The following NTM variants were observed in gnomAD, a reference collection of about 807,000 sequenced individuals.
The protein encoded by NTM is neurotrimin, also known as IgLON family member 2.
NTM carries 13 observed loss-of-function variants against 42.1 expected under a neutral mutation model. That is an observed-to-expected ratio of 0.31 (90% CI 0.20 to 0.49). The LOEUF is 0.49. NTM is among the 20% of genes least tolerant of loss of function. The pLI, the probability that NTM is intolerant of heterozygous loss-of-function variation, is 0.99. For missense variants in NTM, 373 were observed against 452.8 expected (o/e 0.82, Z 1.60); for synonymous variants, 187 against 179.2 (o/e 1.04, Z -0.35).
intron 2 of NTM, among the ~76,000 whole-genome samples, chr11:132,132,507 G>A (rs1188406041): frequency 6.6e-6 from 1 of 152,156 alleles, no homozygotes; most frequent in East Asian, 1.9e-4. Context: ...AATGTGTAAT[G>A]TTGAACATAG....
chr11:131,640,664 C>T (rs1293716483), intron 1 of NTM, among the ~76,000 whole-genome samples: 4 of 152,180 alleles, frequency 2.6e-5, no homozygotes, highest in African/African-American at 9.7e-5. Flanking sequence ...CCTGCTAAGC[C>T]AGTCACCTCA....
Position 132,146,426 on chromosome 11 carries a change from C to T in NTM, c.312C>T (p.Asn104=), listed in dbSNP as rs369115555. The change falls in exon 3 of 9, where the codon AAC becomes AAT. Residue 104 remains asparagine (N), a synonymous_variant. Transcript: ENST00000683400. The surrounding 1 kb of genome is among the most constrained non-coding windows in gnomAD (Gnocchi z 4.5). ...TQTQYSIEIQ[N]VDVYDEGPYT... ...CGCAGTACAGCATCGAGATCCAGAA[C>T]GTGGATGTGTATGACGAGGGCCCTT... 108 of 1,614,076 alleles carry T rather than the reference C, an allele frequency of 6.7e-5. No individual in the cohort carries two copies. The highest frequency in any genetic ancestry group is 7.9e-5 in the Non-Finnish European group (93 of 1,180,044).
intron 1 of NTM, among the ~76,000 whole-genome samples, chr11:131,819,503 C>T (rs934701503): frequency 2.0e-5 from 3 of 152,240 alleles, no homozygotes; most frequent in Admixed American, 6.5e-5. Context: ...TCAAACATTA[C>T]TTTAGCAAGA....
At chr11:132,197,459 G>T (rs1303185447) in intron 3 of NTM, among the ~76,000 whole-genome samples, 2 of 151,276 alleles carry the variant, frequency 1.3e-5, no homozygotes, top group Admixed American at 1.3e-4. Flanking sequence ...ACCCTATTAG[G>T]TATTGTTTTT....
chr11:131,769,228 A>C (rs2135896162), intron 1 of NTM, among the ~76,000 whole-genome samples: 1 of 152,240 alleles, frequency 6.6e-6, no homozygotes, highest in African/African-American at 2.4e-5. Flanking sequence ...CCACCTCAAA[A>C]TCCATTACTT....
At chr11:132,017,775 A>G (rs1404551280) in intron 2 of NTM, among the ~76,000 whole-genome samples, 5 of 152,054 alleles carry the variant, frequency 3.3e-5, no homozygotes, top group Non-Finnish European at 1.5e-5. Flanking sequence ...CTTTAAATCC[A>G]TGAACATGGA....
intron 4 of NTM, among the ~76,000 whole-genome samples, chr11:132,239,431 T>G (rs1211087558): frequency 6.6e-6 from 1 of 152,316 alleles, no homozygotes; most frequent in South Asian, 2.1e-4. Flanking sequence ...TTAAAAATGG[T>G]TTATTAGAAA....
At chr11:131,540,532 T>C (rs2053085863) in intron 1 of NTM, 1 of 152,156 alleles carries the variant, frequency 6.6e-6, no homozygotes, top group African/African-American at 2.4e-5. Flanking sequence ...AAAAATGCCT[T>C]TCTGTGGAAA....
At chr11:131,799,989 C>G (rs190951868) in intron 1 of NTM, among the ~76,000 whole-genome samples, 60 of 152,014 alleles carry the variant, frequency 3.9e-4, no homozygotes, top group African/African-American at 1.4e-3. Flanking sequence ...AGTAGCCATC[C>G]CTAAAATTAT....
intron 2 of NTM, among the ~76,000 whole-genome samples, chr11:132,033,222 C>G (rs1447062135): frequency 1.3e-5 from 2 of 152,146 alleles, no homozygotes; most frequent in Non-Finnish European, 2.9e-5. Context: ...AGAAAGTAGC[C>G]CAATCATCCC....
At position 131,837,821 on chromosome 11, in the gene NTM, C is replaced by A. The variant is rs1184321617; in HGVS notation, c.83-73743C>A. ...CACCTGGAGATGTGGCTCTCTGTGG[C>A]GACGTGCCCTGACGTGGGAACACAT... On this transcript the variant is annotated intron_variant, in intron 1 of 8. Coordinates refer to ENST00000683400, the MANE Select transcript of NTM (RefSeq NM_001352005.2). Among the ~76,000 whole-genome samples the A allele has an allele frequency of 2.0e-5, 3 of 152,092 alleles. 1 individual carries two copies. In the South Asian group the frequency reaches 6.2e-4, roughly 32 times the overall value.
intron 4 of NTM, among the ~76,000 whole-genome samples, chr11:132,305,768 T>TATCA (rs757899511): frequency 3.3e-5 from 5 of 152,222 alleles, no homozygotes; most frequent in South Asian, 2.1e-4. Context: ...TAAAGATGCT[T>TATCA]ATCAAACAAT....
At chr11:131,855,929 G>T (rs1001355191) in intron 1 of NTM, among the ~76,000 whole-genome samples, 1 of 152,148 alleles carries the variant, frequency 6.6e-6, no homozygotes, top group African/African-American at 2.4e-5. Context: ...GAAATATTGT[G>T]GACTTGGATT....
chr11:131,706,241 A>G (rs187343673), intron 1 of NTM, among the ~76,000 whole-genome samples: 1 of 152,132 alleles, frequency 6.6e-6, no homozygotes, highest in Admixed American at 6.5e-5. Context: ...GAGACCAAAA[A>G]AGGCCATTAT....
At chr11:131,841,172 G>A (rs1334227319) in intron 1 of NTM, among the ~76,000 whole-genome samples, 1 of 152,234 alleles carries the variant, frequency 6.6e-6, no homozygotes, top group African/African-American at 2.4e-5. Context: ...CCTGCAGGGA[G>A]AGAGACTGAA....
intron 1 of NTM, among the ~76,000 whole-genome samples, chr11:131,809,590 A>G (rs2136297909): frequency 6.6e-6 from 1 of 152,258 alleles, no homozygotes; most frequent in East Asian, 1.9e-4. Context: ...TTCCCTAGAT[A>G]TGTTCCTCCT....
At chr11:131,412,951 C>T (rs1476913939) in intron 1 of NTM, among the ~76,000 whole-genome samples, 1 of 152,102 alleles carries the variant, frequency 6.6e-6, no homozygotes, top group Non-Finnish European at 1.5e-5. Context: ...GAGCCTGGCC[C>T]AGTTACTGAG....
chr11:131,552,200 G>A (rs1406759680), intron 1 of NTM, among the ~76,000 whole-genome samples: 1 of 152,006 alleles, frequency 6.6e-6, no homozygotes, highest in Non-Finnish European at 1.5e-5. Flanking sequence ...GAGAGAGGAA[G>A]AGAGAACAGA....
intron 1 of NTM, among the ~76,000 whole-genome samples, chr11:131,645,602 T>G (rs2065675443): frequency 6.6e-6 from 1 of 152,254 alleles, no homozygotes; most frequent in Non-Finnish European, 1.5e-5. Context: ...TATGAAGCCT[T>G]CATCTAAATA....
Sources: allele counts gnomAD v4.1 joint callset (sites outside exome capture counted in the v4.1 genomes callset), GRCh38; gene constraint gnomAD v4.1.1; non-coding constraint Gnocchi (gnomAD v3.1); transcripts MANE v1.5; gene names NCBI Gene and HGNC (gene_info 2026-07-23, HGNC 2026-07-21).